NOMO3: variants seen among roughly 807,000 people sequenced by gnomAD.
NOMO3 encodes the protein NODAL modulator 3, also known as BOS complex subunit NOMO3.
NOMO3 carries 15 observed loss-of-function variants against 69.9 expected under a neutral mutation model. The ratio of observed to expected loss-of-function variants is 0.21; its 90% CI spans 0.14 to 0.33. The LOEUF (loss-of-function observed/expected upper bound fraction) is 0.33. Ranked by LOEUF, NOMO3 falls within the 10% of genes least tolerant of loss-of-function variation. The probability of loss-of-function intolerance (pLI) is 1.00; values close to 1 mark genes in which losing one functional copy is unlikely to be tolerated. For missense variants in NOMO3, 218 were observed against 761.0 expected (o/e 0.29, Z 8.39); for synonymous variants, 89 against 301.9 (o/e 0.29, Z 7.31).
intron 11 of NOMO3, among the ~76,000 whole-genome samples, 164 bp downstream of exon 11, chr16:16,256,322 C>T (rs1457329232): frequency 8.0e-6 from 1 of 125,338 alleles, no homozygotes; most frequent in Non-Finnish European, 1.6e-5. Flanking sequence ...GTTGCCCAGG[C>T]TGTAGTGCAG....
chr16:16,241,606 C>G lies in NOMO3; in HGVS notation c.302-1555C>G, dbSNP rs933141256. Among the ~76,000 whole-genome samples, 9 of 111,166 alleles carry G rather than the reference C, an allele frequency of 8.1e-5. No individual in the cohort carries two copies. The South Asian group carries it at 1.6e-3, about 20-fold the overall frequency. The allele number at this position is 111,166 out of a possible 152,430, so 72.9% of individuals were successfully genotyped here. ...ATTTTTAGTAGAGATGGGGTTTCAT[C>G]ATGTTGACCCAGGCTGGTCTCGAAC... On this transcript the variant is annotated intron_variant, in intron 3 of 30. Transcript: ENST00000399336.
At chr16:16,242,813 G>A (rs2049384642) in intron 3 of NOMO3, among the ~76,000 whole-genome samples, 1 of 143,586 alleles carries the variant, frequency 7.0e-6, no homozygotes, top group Non-Finnish European at 1.5e-5. Flanking sequence ...GTGCCTGGTC[G>A]GTGATGAGCA....
Position 16,274,294 on chromosome 16 carries a change from GATGGATGA to G in NOMO3, c.2356+223_2356+230del, listed in dbSNP as rs1376203953. Among the ~76,000 whole-genome samples, 9 of 128,756 alleles carry G rather than the reference GATGGATGA, an allele frequency of 7.0e-5. No homozygotes were observed. The South Asian group carries it at 8.1e-4, about 12-fold the overall frequency. 84.5% of individuals were successfully genotyped at this position (128,756 alleles called of 152,430 possible). On this transcript the variant is annotated intron_variant, in intron 20 of 30. Coordinates refer to ENST00000399336, the MANE Select transcript of NOMO3 (RefSeq NM_001004067.4). ...GGATGGATGGATGGATGGATGGATGGATGGATGAATGAATGATTTAGATAAATAAAAGT... is the reference window on the plus strand; with the variant it reads ...GGATGGATGGATGGATGGATGGATGGATGAATGATTTAGATAAATAAAAGT...
chr16:16,260,228 A>G lies in NOMO3; in HGVS notation c.1221-1274A>G, dbSNP rs1277232624. 3.3e-5 allele frequency among the ~76,000 whole-genome samples: 4 copies of G among 122,062 alleles called. 1 individual carries two copies. The highest frequency in any genetic ancestry group is 1.6e-4 in the Admixed American group (2 of 12,610). The allele number at this position is 122,062 out of a possible 152,430, so 80.1% of individuals were successfully genotyped here. ...GTCTCTAGGACAACAGCTGAGATAGACATTTGTAAATGAATGGGCAGAGCG... is the reference window on the plus strand; with the variant it reads ...GTCTCTAGGACAACAGCTGAGATAGGCATTTGTAAATGAATGGGCAGAGCG... On this transcript the variant is annotated intron_variant, in intron 11 of 30. Coordinates refer to ENST00000399336, the MANE Select transcript of NOMO3 (RefSeq NM_001004067.4).
Position 16,256,059 on chromosome 16 carries a change from C to A in NOMO3, c.1121C>A (p.Thr374Lys), listed in dbSNP as rs1057378365. Residue 374 changes from threonine to lysine, a missense_variant, in exon 11 of 31, where the codon ACA becomes AAA. Coordinates refer to ENST00000399336, the MANE Select transcript of NOMO3 (RefSeq NM_001004067.4). ...SFRLENITTG[T>K]YTIHAQKEHL... ...CGCCTTGAGAACATAACCACAGGGA[C>A]ATACACCATCCATGCTCAGAAAGAG... The A allele has an allele frequency of 3.2e-6, 5 of 1,584,534 alleles. 2 individuals are homozygous for A. In the African/African-American group the frequency reaches 8.2e-5, roughly 26 times the overall value.
chr16:16,263,325 G>A (rs2049580707), intron 13 of NOMO3, 110 bp downstream of exon 13: 4 of 1,585,668 alleles, frequency 2.5e-6, no homozygotes, highest in East Asian at 2.5e-5. Flanking sequence ...CTGATCACCT[G>A]CGTGCGAGGG....
Position 16,263,285 on chromosome 16 carries a change from A to G in NOMO3, c.1537+70A>G. On this transcript the variant is annotated intron_variant, in intron 13 of 30. Transcript: ENST00000399336. ...CAGCCGGTAGGAGTGGGATTTGGGA[A>G]ACTTTTTGTTTTGCCTTTGTTGTTT... 1.9e-6 allele frequency: 3 copies of G among 1,594,908 alleles called. 1 individual carries two copies. The South Asian group carries it at 3.4e-5, about 18-fold the overall frequency.
At position 16,250,111 on chromosome 16, in the gene NOMO3, A is replaced by G. The variant is rs1451287798; in HGVS notation, c.583-817A>G. ...GACGGACAGAAAGTGGAAGTGAGGT[A>G]CAGAAACAGTTGGATTGGTTACAGC... On this transcript the variant is annotated intron_variant, in intron 6 of 30. Coordinates refer to ENST00000399336, the MANE Select transcript of NOMO3 (RefSeq NM_001004067.4). 1.5e-5 allele frequency among the ~76,000 whole-genome samples: 2 copies of G among 129,998 alleles called. 1 individual carries two copies. The highest frequency in any genetic ancestry group is 6.9e-5 in the African/African-American group (2 of 29,096). 85.3% of individuals were successfully genotyped at this position (129,998 alleles called of 152,430 possible). A position where few individuals can be genotyped will look rare whatever the true frequency, so the allele number is the denominator to read the frequency against.
rs1399699313 is a variant in NOMO3 at position 16,269,324 on chromosome 16, C to T, written c.1895-797C>T. Among the ~76,000 whole-genome samples, 6 of 142,918 alleles carry T rather than the reference C, an allele frequency of 4.2e-5. 2 individuals carry two copies. The highest frequency in any genetic ancestry group is 1.7e-4 in the African/African-American group (6 of 34,532). 93.8% of individuals were successfully genotyped at this position (142,918 alleles called of 152,430 possible). Reference sequence around the variant, plus strand: ...ATGAAGACAGGGACCACTGCTCTGTCATTCCCCACTGTGTACCAGTACCTA... The same window carrying T: ...ATGAAGACAGGGACCACTGCTCTGTTATTCCCCACTGTGTACCAGTACCTA... On this transcript the variant is annotated intron_variant, in intron 16 of 30. Coordinates refer to ENST00000399336, the MANE Select transcript of NOMO3 (RefSeq NM_001004067.4).
At position 16,237,580 on chromosome 16, in the gene NOMO3, G is replaced by A. The variant is rs1310924711; in HGVS notation, c.255+590G>A. 3.6e-5 allele frequency among the ~76,000 whole-genome samples: 5 copies of A among 139,286 alleles called. 2 individuals are homozygous for A. The highest frequency in any genetic ancestry group is 4.6e-4 in the East Asian group (2 of 4,324). 91.4% of individuals were successfully genotyped at this position (139,286 alleles called of 152,430 possible). ...TTTTCTTCTTTTGAGTTGGAGTCTC[G>A]CTCTGTCGCCCAGGCTGGAGTGCAG... On this transcript the variant is annotated intron_variant, in intron 2 of 30. Transcript: ENST00000399336.
chr16:16,243,301 A>G lies in NOMO3; in HGVS notation c.402+40A>G. 3.2e-6 allele frequency: 2 copies of G among 618,556 alleles called. 1 individual carries two copies. The highest frequency in any genetic ancestry group is 4.1e-5 in the South Asian group (2 of 49,370). 38.3% of individuals were successfully genotyped at this position (618,556 alleles called of 1,614,324 possible). A position where few individuals can be genotyped will look rare whatever the true frequency, so the allele number is the denominator to read the frequency against. On this transcript the variant is annotated intron_variant, in intron 4 of 30. Coordinates refer to ENST00000399336, the MANE Select transcript of NOMO3 (RefSeq NM_001004067.4). Reference sequence around the variant, plus strand: ...CTTGATTATTTTTCCTGTTCACTCTATAATGTATACTAAATCCTTTTTTAA... The same window carrying G: ...CTTGATTATTTTTCCTGTTCACTCTGTAATGTATACTAAATCCTTTTTTAA...
rs753565506 is a variant in NOMO3, at chr16:16,270,197, A to G, written c.1958+13A>G. 2 of 1,555,348 alleles carry G rather than the reference A, an allele frequency of 1.3e-6. No homozygotes were observed. Among genetic ancestry groups the G allele is most frequent in the South Asian group, 2.3e-5 (2 of 87,358 alleles). ...ACACCTATGACACGTAAGCCTGGGA[A>G]TTGAATGCTTTGTGGTGTTTGTATA... On this transcript the variant is annotated intron_variant, in intron 17 of 30. Transcript: ENST00000399336.
chr16:16,242,201 TTGTGTGTGTGTG>T (rs71276168), intron 3 of NOMO3, among the ~76,000 whole-genome samples: 1 of 99,358 alleles, frequency 1.0e-5, no homozygotes, highest in Non-Finnish European at 1.9e-5. Context: ...ATTGGAGTCT[TTGTGTGTGTGTG>T]TGTGTGTGTG....
At chr16:16,265,400 C>T in intron 15 of NOMO3, 1 of 595,916 alleles carries the variant, frequency 1.7e-6, no homozygotes, top group Non-Finnish European at 2.9e-6. Flanking sequence ...TGGCCCTACA[C>T]TAAATCTGAC....
At position 16,251,056 on chromosome 16, in the gene NOMO3, CT is replaced by C; in HGVS notation, c.715del (p.Ser239LeufsTer3). On this transcript the variant is annotated frameshift_variant, in exon 7 of 31. Coordinates refer to ENST00000399336, the MANE Select transcript of NOMO3 (RefSeq NM_001004067.4). LOFTEE classifies it high-confidence loss of function. ...CCATGAAAGGCGTGAAGTTTCTTCT[CT>C]TTTCTTCTTTAGTAACTAAAGAGGT... ...EPMKGVKFLLFSSLVTKEDVL... is the reference protein window; with the variant it reads ...EPMKGVKFLLXSSLVTKEDVL... 2.5e-6 allele frequency: 3 copies of C among 1,211,824 alleles called. No individual in the cohort carries two copies. Among genetic ancestry groups the C allele is most frequent in the Non-Finnish European group, 3.3e-6 (3 of 896,076 alleles). The allele number at this position is 1,211,824 out of a possible 1,614,324, so 75.1% of individuals were successfully genotyped here.
rs368579985 is a variant in NOMO3, at chr16:16,263,555, G to A, written c.1580G>A (p.Arg527His). Residue 527 changes from arginine (R) to histidine (H), a missense_variant, in exon 14 of 31, where the codon CGC becomes CAC. Physicochemically the swap from Arg to His is conservative, Grantham distance 29. Transcript: ENST00000399336. ...CTGGTGACTCTACAGTCCCTGAGCC[G>A]CCAGGGTGAGAAGCGGAGCCTCCAG... ...DLLVTLQSLS[R>H]QGEKRSLQLS... is the part of the protein sequence containing the mutation. 2.6e-4 allele frequency: 283 copies of A among 1,075,950 alleles called. 5 individuals carry two copies. Among genetic ancestry groups the A allele is most frequent in the Middle Eastern group, 6.3e-4 (2 of 3,178 alleles). 66.7% of individuals were successfully genotyped at this position (1,075,950 alleles called of 1,614,324 possible). A position where few individuals can be genotyped will look rare whatever the true frequency, so the allele number is the denominator to read the frequency against.
chr16:16,260,489 T>C (rs2049554484), intron 11 of NOMO3, among the ~76,000 whole-genome samples: 1 of 142,696 alleles, frequency 7.0e-6, no homozygotes, highest in Non-Finnish European at 1.5e-5. Flanking sequence ...TCTGAAGAAA[T>C]GGCTGTGTTT....
At chr16:16,265,323 G>C in intron 15 of NOMO3, 144 bp downstream of exon 15, 2 of 1,499,646 alleles carry the variant, frequency 1.3e-6, no homozygotes, top group Non-Finnish European at 1.8e-6. Context: ...GTTACGCAAC[G>C]CATAATCAGG....
intron 13 of NOMO3, 68 bp downstream of exon 13, chr16:16,263,283 G>A: frequency 6.3e-7 from 1 of 1,595,148 alleles, no homozygotes; most frequent in Admixed American, 1.7e-5. Context: ...TGGGATTTGG[G>A]AAACTTTTTG....
Sources: gnomAD v4.1 joint callset for allele counts (sites outside exome capture counted in the v4.1 genomes callset) on GRCh38, gnomAD v4.1.1 for gene constraint, MANE v1.5 for transcripts, NCBI Gene and HGNC (gene_info 2026-07-23, HGNC 2026-07-21) for gene names.